CCDC171: variants seen among roughly 807,000 people sequenced by gnomAD.
The protein encoded by CCDC171 is coiled-coil domain containing 171, also known as coiled-coil domain-containing protein 171.
A neutral mutation model predicts 168.2 loss-of-function variants in CCDC171; 177 were observed. That is an observed-to-expected ratio of 1.05 (90% CI 0.93 to 1.19). CCDC171 has a LOEUF of 1.19. Among genes scored for constraint, CCDC171 ranks in the 50% most tolerant of loss-of-function variants. CCDC171 has a pLI of 0.00. For synonymous variants in CCDC171, 687 were observed against 540.8 expected, an observed-to-expected ratio of 1.27 and a Z score of -3.75; for missense variants, 1,991 against 1,539.0, an observed-to-expected ratio of 1.29 and a Z score of -4.91.
chr9:15,653,179 G>T (rs1428473629), intron 7 of CCDC171, among the ~76,000 whole-genome samples: 4 of 152,046 alleles, frequency 2.6e-5, no homozygotes. Flanking sequence ...CGTTCCTCTT[G>T]CCTAGGTTGG....
At chr9:15,913,531 A>C (rs1432946234) in intron 24 of CCDC171, among the ~76,000 whole-genome samples, 3 of 152,134 alleles carry the variant, frequency 2.0e-5, no homozygotes, top group Non-Finnish European at 4.4e-5. Context: ...TATCTCCTTC[A>C]GTTCTGCCGT....
At chr9:15,623,446 C>CATATAATATAT (rs1287875088) in intron 7 of CCDC171, 33 bp downstream of exon 7, 6 of 1,422,934 alleles carry the variant, frequency 4.2e-6, no homozygotes, top group Non-Finnish European at 5.8e-6. Flanking sequence ...AATATATATG[C>CATATAATATAT]GTACAAACTT....
At position 15,793,551 on chromosome 9, in the gene CCDC171, G is replaced by GTTTTTTTTTTTTT. The variant is rs3082839; in HGVS notation, c.3267+8874_3267+8886dup. Among the ~76,000 whole-genome samples, 12 of 77,054 alleles carry GTTTTTTTTTTTTT rather than the reference G, an allele frequency of 1.6e-4. 5 individuals are homozygous for GTTTTTTTTTTTTT. The highest frequency in any genetic ancestry group is 7.1e-4 in the African/African-American group (11 of 15,520). 50.6% of individuals were successfully genotyped at this position (77,054 alleles called of 152,430 possible). On this transcript the variant is annotated intron_variant, in intron 21 of 25. Coordinates refer to ENST00000380701, the MANE Select transcript of CCDC171 (RefSeq NM_173550.4). ...AGCACCACATCGCACTTATTCCAAGGTTTTTTTTTTTTTTTTTTTTTTTTT... is the reference window on the plus strand; with the variant it reads ...AGCACCACATCGCACTTATTCCAAGGTTTTTTTTTTTTTTTTTTTTTTTTTTTTTTTTTTTTTT...
chr9:16,078,471 T>A, the CCDC171 span, among the ~76,000 whole-genome samples: 1 of 152,324 alleles, frequency 6.6e-6, no homozygotes, highest in East Asian at 1.9e-4. Context: ...AGCACTTTTA[T>A]GGACATGGCT....
the CCDC171 span, among the ~76,000 whole-genome samples, chr9:16,097,537 C>T: frequency 6.6e-6 from 1 of 152,180 alleles, no homozygotes; most frequent in African/African-American, 2.4e-5. Flanking sequence ...TGAAGCTACA[C>T]AGCTAGTGTG....
At chr9:15,827,258 A>T (rs2060050502) in intron 21 of CCDC171, among the ~76,000 whole-genome samples, 2 of 152,070 alleles carry the variant, frequency 1.3e-5, no homozygotes, top group Admixed American at 1.3e-4. Context: ...TTGTATGATT[A>T]TGTGTGTGTG....
chr9:15,608,944 C>CAAAA (rs71491669), intron 6 of CCDC171, among the ~76,000 whole-genome samples: 1,336 of 13,668 alleles, frequency 0.098, 354 homozygotes, highest in East Asian at 0.15. Flanking sequence ...GACCCTGTCT[C>CAAAA]AAAAAAAAAA....
the CCDC171 span, among the ~76,000 whole-genome samples, chr9:16,084,586 A>T: frequency 2.0e-5 from 3 of 152,146 alleles, no homozygotes; most frequent in Admixed American, 1.3e-4. Flanking sequence ...ATACTATTTG[A>T]ACCCAGACTA....
At chr9:15,990,550 G>A (rs1832155968) in intron 3 of CCDC171, among the ~76,000 whole-genome samples, 2 of 152,144 alleles carry the variant, frequency 1.3e-5, no homozygotes. Flanking sequence ...ACATCATAAT[G>A]ACAGGATCAA....
chr9:15,890,707 A>G (rs1294000344), intron 24 of CCDC171, among the ~76,000 whole-genome samples: 2 of 152,158 alleles, frequency 1.3e-5, no homozygotes, highest in African/African-American at 2.4e-5. Flanking sequence ...CAAAATGGCT[A>G]TTTATTAAAT....
At chr9:15,626,774 T>G (rs1229459814) in intron 7 of CCDC171, among the ~76,000 whole-genome samples, 2 of 152,224 alleles carry the variant, frequency 1.3e-5, no homozygotes, top group South Asian at 4.1e-4. Context: ...TCTAAAATTC[T>G]CTTTTTTTTA....
At chr9:15,656,582 A>G (rs1218712666) in intron 7 of CCDC171, among the ~76,000 whole-genome samples, 1 of 152,220 alleles carries the variant, frequency 6.6e-6, no homozygotes, top group South Asian at 2.1e-4. Context: ...GATGCATGCA[A>G]CCACATGGAT....
chr9:15,982,629 G>A (rs192928794), intron 3 of CCDC171, among the ~76,000 whole-genome samples: 95 of 152,104 alleles, frequency 6.2e-4, no homozygotes, highest in African/African-American at 2.2e-3. Flanking sequence ...TGTTCCTGGG[G>A]GTGTCTGCTC....
At chr9:15,672,328 T>C (rs1346241729) in intron 9 of CCDC171, among the ~76,000 whole-genome samples, 1 of 152,234 alleles carries the variant, frequency 6.6e-6, no homozygotes, top group Non-Finnish European at 1.5e-5. Context: ...ATACTTTCTT[T>C]TGCTGTGCAG....
intron 21 of CCDC171, among the ~76,000 whole-genome samples, chr9:15,813,071 G>A (rs927922960): frequency 6.6e-6 from 1 of 152,082 alleles, no homozygotes; most frequent in African/African-American, 2.4e-5. Flanking sequence ...GTATTTGGTG[G>A]CCAAAAACGC....
At chr9:15,888,618 T>G (rs1819756934) in intron 24 of CCDC171, among the ~76,000 whole-genome samples, 1 of 152,170 alleles carries the variant, frequency 6.6e-6, no homozygotes, top group South Asian at 2.1e-4. Flanking sequence ...GTTAAACAAT[T>G]TAGTAGAATT....
At chr9:15,557,121 C>G (rs1051714940) in intron 1 of CCDC171, among the ~76,000 whole-genome samples, 2 of 152,106 alleles carry the variant, frequency 1.3e-5, no homozygotes, top group African/African-American at 4.8e-5. Flanking sequence ...GTTACCAGTA[C>G]CATGCTGTTT....
intron 3 of CCDC171, among the ~76,000 whole-genome samples, chr9:15,572,073 T>G (rs2040269012): frequency 6.6e-6 from 1 of 152,174 alleles, no homozygotes; most frequent in Non-Finnish European, 1.5e-5. Context: ...GAAATCATAA[T>G]GTAGGTTCCT....
At chr9:15,570,554 A>G (rs1032057953) in intron 2 of CCDC171, among the ~76,000 whole-genome samples, 2 of 152,186 alleles carry the variant, frequency 1.3e-5, no homozygotes, top group Non-Finnish European at 2.9e-5. Flanking sequence ...CTTAACCTAA[A>G]AAGATGACTG....
Sources: allele counts gnomAD v4.1 joint callset (sites outside exome capture counted in the v4.1 genomes callset), GRCh38; gene constraint gnomAD v4.1.1; transcripts MANE v1.5; gene names NCBI Gene and HGNC (gene_info 2026-07-23, HGNC 2026-07-21).